ADAMTSL1: variants seen among roughly 807,000 people sequenced by gnomAD.
ADAMTSL1 encodes the protein ADAMTS-like protein 1.
ADAMTSL1 carries 126 observed loss-of-function variants against 201.8 expected under a neutral mutation model. The observed-to-expected ratio is 0.62, with a 90% confidence interval of 0.54 to 0.72. ADAMTSL1 has a LOEUF of 0.72. ADAMTSL1 is among the 30% of genes least tolerant of loss of function. The pLI, the probability that ADAMTSL1 is intolerant of heterozygous loss-of-function variation, is 0.00. For synonymous variants in ADAMTSL1, 1,121 were observed against 903.4 expected (o/e 1.24, Z -4.32); for missense variants, 2,679 against 2,277.8 (o/e 1.18, Z -3.59).
intron 2 of ADAMTSL1, among the ~76,000 whole-genome samples, chr9:18,348,007 A>G (rs1188714674): frequency 6.6e-6 from 1 of 152,182 alleles, no homozygotes; most frequent in Non-Finnish European, 1.5e-5. Context: ...AAGCATTGAA[A>G]GCTTGAATCC....
intron 23 of ADAMTSL1, among the ~76,000 whole-genome samples, chr9:18,867,415 GA>G (rs1344687634): frequency 2.0e-5 from 3 of 152,152 alleles, no homozygotes; most frequent in African/African-American, 7.2e-5. Context: ...TTTAGACACA[GA>G]GTCATTCCTG....
intron 1 of ADAMTSL1, among the ~76,000 whole-genome samples, chr9:17,926,260 A>G (rs888947566): frequency 2.0e-5 from 3 of 152,234 alleles, no homozygotes; most frequent in Non-Finnish European, 4.4e-5. Flanking sequence ...TTATTGGTAT[A>G]AGATGAAATT....
chr9:18,683,230 G>T lies in ADAMTSL1; in HGVS notation c.1489+1271G>T, dbSNP rs1489420116. Among the ~76,000 whole-genome samples, 31 of 143,654 alleles carry T rather than the reference G, an allele frequency of 2.2e-4. 1 individual carries two copies. Among genetic ancestry groups the T allele is most frequent in the Non-Finnish European group, 3.0e-4 (20 of 66,484 alleles). The allele number at this position is 143,654 out of a possible 152,430, so 94.2% of individuals were successfully genotyped here. A position where few individuals can be genotyped will look rare whatever the true frequency, so the allele number is the denominator to read the frequency against. On this transcript the variant is annotated intron_variant, in intron 12 of 28. Coordinates refer to ENST00000380548, the MANE Select transcript of ADAMTSL1 (RefSeq NM_001040272.6). ...AGCTTCATTTACTGAGGTTTTTTTT[G>T]TTTTTTTTTTTTGAGACGGAGTCTC...
In ADAMTSL1 at chr9:18,739,890, GTCTACTA is replaced by G. The variant is rs558006576; in HGVS notation, c.2007-13404_2007-13398del. Among the ~76,000 whole-genome samples, 26 of 130,006 alleles carry G rather than the reference GTCTACTA, an allele frequency of 2.0e-4. No homozygotes were observed. In the South Asian group the frequency reaches 6.4e-3, roughly 32 times the overall value. 85.3% of individuals were successfully genotyped at this position (130,006 alleles called of 152,430 possible). A position where few individuals can be genotyped will look rare whatever the true frequency, so the allele number is the denominator to read the frequency against. On this transcript the variant is annotated intron_variant, in intron 15 of 28. Coordinates refer to ENST00000380548, the MANE Select transcript of ADAMTSL1 (RefSeq NM_001040272.6). Reference sequence around the variant, plus strand: ...TGCCTGTGTGTATATGTGTGTACATGTCTACTATCTGTGTGTGTGTGTGTGTGTGTGT... The same window carrying G: ...TGCCTGTGTGTATATGTGTGTACATGTCTGTGTGTGTGTGTGTGTGTGTGT...
At chr9:18,897,756 AC>A (rs1829738868) in intron 26 of ADAMTSL1, among the ~76,000 whole-genome samples, 1 of 152,230 alleles carries the variant, frequency 6.6e-6, no homozygotes, top group East Asian at 1.9e-4. Flanking sequence ...GAAAGAATTA[AC>A]AAAAATGCTG....
intron 23 of ADAMTSL1, among the ~76,000 whole-genome samples, chr9:18,886,815 A>C (rs1828928758): frequency 6.6e-6 from 1 of 152,146 alleles, no homozygotes; most frequent in Non-Finnish European, 1.5e-5. Context: ...GGTATACACA[A>C]ACCCTCAGAC....
intron 23 of ADAMTSL1, among the ~76,000 whole-genome samples, chr9:18,837,008 G>T (rs983492680): frequency 1.3e-5 from 2 of 152,090 alleles, no homozygotes; most frequent in Admixed American, 6.6e-5. Flanking sequence ...GAGCCTTTTG[G>T]AAGTCTTTAG....
intron 2 of ADAMTSL1, among the ~76,000 whole-genome samples, chr9:18,337,228 T>C (rs1010874866): frequency 2.6e-5 from 4 of 152,056 alleles, no homozygotes; most frequent in Non-Finnish European, 5.9e-5. Flanking sequence ...CCTTCATCCT[T>C]CCCCCATCGG....
intron 2 of ADAMTSL1, among the ~76,000 whole-genome samples, chr9:18,265,259 A>G (rs1427059337): frequency 6.6e-6 from 1 of 151,504 alleles, no homozygotes; most frequent in South Asian, 2.1e-4. Flanking sequence ...TTCTTCCCGG[A>G]TACTCTTCTG....
chr9:18,534,787 C>T (rs566743359), intron 3 of ADAMTSL1, among the ~76,000 whole-genome samples: 2 of 152,228 alleles, frequency 1.3e-5, no homozygotes, highest in Non-Finnish European at 2.9e-5. Flanking sequence ...AGGCTTGGGG[C>T]TTGCACCCCC....
intron 2 of ADAMTSL1, among the ~76,000 whole-genome samples, chr9:18,311,919 C>T (rs1230853453): frequency 2.0e-5 from 3 of 152,140 alleles, no homozygotes; most frequent in African/African-American, 7.2e-5. Flanking sequence ...AAAAATGTAT[C>T]CCAGGGAGAG....
At chr9:18,622,952 A>G (rs911265667) in intron 5 of ADAMTSL1, among the ~76,000 whole-genome samples, 8 of 152,234 alleles carry the variant, frequency 5.3e-5, no homozygotes, top group African/African-American at 1.7e-4. Context: ...CTAGAGTGCA[A>G]TGGGGCAATC....
In ADAMTSL1 at chr9:18,267,782, A is replaced by AAAC. The variant is rs1466719524; in HGVS notation, c.207+103803_207+103804insCAA. Among the ~76,000 whole-genome samples the AAAC allele has an allele frequency of 2.0e-5, 3 of 148,988 alleles. No individual in the cohort carries two copies. The Admixed American group carries it at 2.2e-4, about 11-fold the overall frequency. On this transcript the variant is annotated intron_variant, in intron 2 of 29. Coordinates refer to the ADAMTSL1 transcript ENST00000680146. ...GCTATTAAAAAAAAAAAACAAAAAC[A>AAAC]AAAACAAAAAAACCTTAATCTGAGA...
At chr9:17,914,511 G>A (rs28863271) in intron 1 of ADAMTSL1, among the ~76,000 whole-genome samples, 10,496 of 152,042 alleles carry the variant, frequency 0.069, 710 homozygotes, top group African/African-American at 0.17. Flanking sequence ...AGGTGTTGAT[G>A]GGACGTATCT....
chr9:18,786,502 G>C (rs1821713856), intron 19 of ADAMTSL1, among the ~76,000 whole-genome samples: 1 of 152,286 alleles, frequency 6.6e-6, no homozygotes, highest in Non-Finnish European at 1.5e-5. Flanking sequence ...AGTACAATTA[G>C]GCACTTTGAT....
At chr9:18,025,257 A>C (rs1820644182) in intron 1 of ADAMTSL1, among the ~76,000 whole-genome samples, 1 of 151,878 alleles carries the variant, frequency 6.6e-6, no homozygotes, top group Non-Finnish European at 1.5e-5. Flanking sequence ...AAAGCTTTTT[A>C]ATTAGGTGCC....
intron 2 of ADAMTSL1, among the ~76,000 whole-genome samples, chr9:18,331,925 T>C (rs1835042990): frequency 6.6e-6 from 1 of 152,218 alleles, no homozygotes; most frequent in East Asian, 1.9e-4. Context: ...GAGAATATTA[T>C]AGAATCAGCT....
intron 2 of ADAMTSL1, among the ~76,000 whole-genome samples, chr9:18,206,793 A>T (rs1386877332): frequency 6.6e-6 from 1 of 152,136 alleles, no homozygotes; most frequent in Non-Finnish European, 1.5e-5. Flanking sequence ...CGTGGAGTTG[A>T]TCCCTAAATT....
chr9:17,927,024 A>G (rs917090532), intron 1 of ADAMTSL1, among the ~76,000 whole-genome samples: 1 of 152,164 alleles, frequency 6.6e-6, no homozygotes, highest in Non-Finnish European at 1.5e-5. Context: ...TTCAACTTGC[A>G]AAACTGAAAG....
Sources: allele counts gnomAD v4.1 joint callset (sites outside exome capture counted in the v4.1 genomes callset), GRCh38; gene constraint gnomAD v4.1.1; transcripts MANE v1.5; gene names NCBI Gene and HGNC (gene_info 2026-07-23, HGNC 2026-07-21).